The following YY1AP1 variants were observed in gnomAD, a reference collection of about 807,000 sequenced individuals.
The protein encoded by YY1AP1 is YY1 associated protein 1, also known as YY1-associated protein 1.
Under a neutral mutation model 39.9 loss-of-function variants are expected in YY1AP1, and 43 were observed. The ratio of observed to expected loss-of-function variants is 1.08; its 90% CI spans 0.84 to 1.39. The LOEUF is 1.39. Among genes scored for constraint, YY1AP1 ranks in the 40% most tolerant of loss-of-function variants. The probability of loss-of-function intolerance (pLI) is 0.00; values close to 1 mark genes in which losing one functional copy is unlikely to be tolerated. For synonymous variants in YY1AP1, 292 were observed against 331.3 expected, an observed-to-expected ratio of 0.88 and a Z score of 1.29; for missense variants, 813 against 900.7, an observed-to-expected ratio of 0.90 and a Z score of 1.25.
intron 4 of YY1AP1, among the ~76,000 whole-genome samples, chr1:155,678,927 A>G (rs1651119175): frequency 6.6e-6 from 1 of 152,240 alleles, no homozygotes; most frequent in Non-Finnish European, 1.5e-5. Context: ...ATGCTGTAAC[A>G]CAAGTGCCAA....
chr1:155,684,157 A>G (rs348189), intron 2 of YY1AP1, among the ~76,000 whole-genome samples: 12,176 of 152,232 alleles, frequency 0.08, 1,729 homozygotes, highest in African/African-American at 0.28. Context: ...CTGAGGAAAG[A>G]GAATCACTTG....
chr1:155,668,632 T>A lies in YY1AP1; in HGVS notation c.874A>T (p.Ile292Phe). Residue 292 changes from isoleucine to phenylalanine, a missense_variant, in exon 9 of 11, where the codon ATT becomes TTT. Physicochemically the swap from Ile to Phe is conservative, Grantham distance 21. Coordinates refer to ENST00000355499, the MANE Select transcript of YY1AP1 (RefSeq NM_139119.3). ...TGCATGCAGGAAACACTCACTTTAA[T>A]GATGTTGTCAGGAGCTCTGTTCATG... ...LNMNRAPDNI[I>F]KFYKKTKQLP... 6.2e-7 allele frequency: 1 copy of A among 1,614,184 alleles called. No individual in the cohort carries two copies. Among genetic ancestry groups the A allele is most frequent in the Non-Finnish European group, 8.5e-7 (1 of 1,180,018 alleles).
At chr1:155,667,745 C>A (rs1649225565) in intron 9 of YY1AP1, among the ~76,000 whole-genome samples, 1 of 151,854 alleles carries the variant, frequency 6.6e-6, no homozygotes, top group Admixed American at 6.6e-5. Flanking sequence ...TCACTTGAAC[C>A]CAGGAGGCAG....
chr1:155,660,714 A>C lies in YY1AP1; in HGVS notation c.1196T>G (p.Phe399Cys), dbSNP rs200464574. Residue 399 changes from phenylalanine (F) to cysteine (C), a missense_variant, in exon 11 of 11, where the codon TTC becomes TGC. Coordinates refer to ENST00000355499, the MANE Select transcript of YY1AP1 (RefSeq NM_139119.3). ...VLKLKPVADR[F>C]PKKAWRQKRS... ...CTTCTGTCTCCAAGCCTTCTTGGGG[A>C]AACGGTCGGCAACTGGCTTCAGTTT... 272 of 1,614,172 alleles carry C rather than the reference A, an allele frequency of 1.7e-4. No individual in the cohort carries two copies. The highest frequency in any genetic ancestry group is 5.5e-5 in the South Asian group (5 of 91,084).
Position 155,688,723 on chromosome 1 carries a change from G to A in YY1AP1, c.-216C>T. ...CTCTCCTCCCCCTCCCTCCCCGCCC[G>A]CACGGCCACCAACCGCCGCCAAAGC... On this transcript the variant is annotated 5_prime_UTR_variant, in exon 1 of 11. Coordinates refer to ENST00000355499, the MANE Select transcript of YY1AP1 (RefSeq NM_139119.3). 14 of 1,196,034 alleles carry A rather than the reference G, an allele frequency of 1.2e-5. No homozygotes were observed. Among genetic ancestry groups the A allele is most frequent in the Non-Finnish European group, 1.5e-5 (13 of 873,128 alleles). The allele number at this position is 1,196,034 out of a possible 1,614,324, so 74.1% of individuals were successfully genotyped here. A position where few individuals can be genotyped will look rare whatever the true frequency, so the allele number is the denominator to read the frequency against.
chr1:155,677,285 ATAT>A (rs1650836009), intron 4 of YY1AP1, among the ~76,000 whole-genome samples: 2 of 152,210 alleles, frequency 1.3e-5, no homozygotes, highest in African/African-American at 4.8e-5. Flanking sequence ...GTTAGTTAAA[ATAT>A]TATCCATGAA....
At chr1:155,682,608 G>A (rs1379964811) in intron 2 of YY1AP1, among the ~76,000 whole-genome samples, 3 of 151,348 alleles carry the variant, frequency 2.0e-5, no homozygotes, top group Non-Finnish European at 4.4e-5. Flanking sequence ...TGATCCACCT[G>A]CCTCAGCCTC....
Position 155,667,933 on chromosome 1 carries a change from T to G in YY1AP1, c.879+694A>C, listed in dbSNP as rs28578471. On this transcript the variant is annotated intron_variant, in intron 9 of 10. Transcript: ENST00000355499. ...ATACATACATACATACATACATACA[T>G]ACAGACACAGACACACACAAACACA... 8.7e-4 allele frequency among the ~76,000 whole-genome samples: 123 copies of G among 142,168 alleles called. 1 individual carries two copies. In the South Asian group the frequency reaches 0.019, roughly 22 times the overall value. 93.3% of individuals were successfully genotyped at this position (142,168 alleles called of 152,430 possible).
intron 9 of YY1AP1, among the ~76,000 whole-genome samples, chr1:155,664,116 C>A (rs1290087110): frequency 2.7e-5 from 4 of 150,916 alleles, no homozygotes; most frequent in Non-Finnish European, 4.4e-5. Flanking sequence ...AGGGTGGGAC[C>A]CTGTCTCGGA....
intron 9 of YY1AP1, among the ~76,000 whole-genome samples, chr1:155,661,835 T>C (rs1415733861): frequency 6.6e-6 from 1 of 152,096 alleles, no homozygotes; most frequent in Non-Finnish European, 1.5e-5. Context: ...TTTTTGTATT[T>C]TTAGTAGAGA....
chr1:155,664,859 T>A (rs1571319503), intron 9 of YY1AP1, among the ~76,000 whole-genome samples: 1 of 145,088 alleles, frequency 6.9e-6, no homozygotes, highest in East Asian at 2.2e-4. Flanking sequence ...AAGCTCCACC[T>A]CCCAGGTTCA....
At chr1:155,688,313 C>T (rs1488895732) in intron 1 of YY1AP1, 112 bp from the exon 2 acceptor site, 2 of 1,561,542 alleles carry the variant, frequency 1.3e-6, no homozygotes, top group Non-Finnish European at 1.7e-6. Context: ...CAAAGCGAAC[C>T]CAAAATGGCG....
At chr1:155,675,183 C>T in intron 5 of YY1AP1, 87 bp from the exon 6 acceptor site, 2 of 1,252,472 alleles carry the variant, frequency 1.6e-6, no homozygotes, top group Non-Finnish European at 2.3e-6. Context: ...CCCCTGGAGA[C>T]AGGGTCTTGC....
intron 9 of YY1AP1, among the ~76,000 whole-genome samples, chr1:155,661,756 C>T (rs1369066534): frequency 6.6e-6 from 1 of 152,152 alleles, no homozygotes; most frequent in Non-Finnish European, 1.5e-5. Context: ...CCCAGGTTCA[C>T]GCCATTCTCC....
chr1:155,660,879 T>C lies in YY1AP1; in HGVS notation c.1031A>G (p.His344Arg), dbSNP rs756710056. Residue 344 changes from histidine (H) to arginine (R), a missense_variant, in exon 11 of 11, where the codon CAC (histidine) becomes CGC (arginine). Physicochemically the swap from His to Arg is conservative, Grantham distance 29. Coordinates refer to ENST00000355499, the MANE Select transcript of YY1AP1 (RefSeq NM_139119.3). ...TACCTCTCTAGCACCATCAGCCATG[T>C]GCCGCAGTTCTTCCTGGATGGATGG... ...SLPSIQEELR[H>R]MADGAREVGN... 9.3e-6 allele frequency: 15 copies of C among 1,614,226 alleles called. No individual in the cohort carries two copies. Among genetic ancestry groups the C allele is most frequent in the Non-Finnish European group, 1.3e-5 (15 of 1,180,042 alleles).
chr1:155,663,147 C>T (rs145270233), intron 9 of YY1AP1, among the ~76,000 whole-genome samples: 2,653 of 151,046 alleles, frequency 0.018, 90 homozygotes, highest in African/African-American at 0.062. Flanking sequence ...CCGAGGCAGG[C>T]AGATCACAAG....
intron 4 of YY1AP1, among the ~76,000 whole-genome samples, chr1:155,677,534 C>A (rs1233544005): frequency 6.6e-6 from 1 of 152,200 alleles, no homozygotes; most frequent in Non-Finnish European, 1.5e-5. Flanking sequence ...AGGATAAGAT[C>A]TGCTGAAGTA....
At chr1:155,679,322 G>A in intron 4 of YY1AP1, 87 bp downstream of exon 4, 3 of 1,589,226 alleles carry the variant, frequency 1.9e-6, no homozygotes, top group Non-Finnish European at 2.6e-6. Flanking sequence ...GGCTGGGGAT[G>A]AAAAATTGTT....
At position 155,659,990 on chromosome 1, in the gene YY1AP1, G is replaced by A. The variant is rs1290327419; in HGVS notation, c.1920C>T (p.Asp640=). The A allele has an allele frequency of 1.2e-5, 20 of 1,614,198 alleles. No individual in the cohort carries two copies. Among genetic ancestry groups the A allele is most frequent in the Non-Finnish European group, 1.6e-5 (19 of 1,180,050 alleles). The change falls in exon 11 of 11, where the codon GAC becomes GAT. Residue 640 remains aspartate, a synonymous_variant. Coordinates refer to ENST00000355499, the MANE Select transcript of YY1AP1 (RefSeq NM_139119.3). ...TPEDKAHMNV[D]IACAVADGEN... ...CCCCATCAGCCACAGCACAAGCAAT[G>A]TCCACATTCATGTGGGCCTTATCTT...
Sources: gnomAD v4.1 joint callset for allele counts (sites outside exome capture counted in the v4.1 genomes callset) on GRCh38, gnomAD v4.1.1 for gene constraint, MANE v1.5 for transcripts, NCBI Gene and HGNC (gene_info 2026-07-23, HGNC 2026-07-21) for gene names.